PRAG1: variants seen among roughly 807,000 people sequenced by gnomAD.
PRAG1 encodes the protein PEAK1 related, kinase-activating pseudokinase 1, also known as inactive tyrosine-protein kinase PRAG1.
Under a neutral mutation model 95.6 loss-of-function variants are expected in PRAG1, and 110 were observed. That is an observed-to-expected ratio of 1.15 (90% confidence interval 0.99 to 1.35). The LOEUF is 1.35. PRAG1 is among the 40% of genes most tolerant of loss of function. The pLI is 0.00. For missense variants in PRAG1, 2,554 were observed against 1,864.7 expected (o/e 1.37, Z -6.81); for synonymous variants, 1,052 against 819.4 (o/e 1.28, Z -4.85).
At chr8:8,375,297 G>A (rs557853774) in intron 3 of PRAG1, among the ~76,000 whole-genome samples, 4 of 151,710 alleles carry the variant, frequency 2.6e-5, no homozygotes, top group East Asian at 1.9e-4. Flanking sequence ...TCCACCTCCC[G>A]GGTTCACGCC....
rs1341357356 is a variant in PRAG1, at chr8:8,381,664, C to A, written c.84G>T (p.Gly28=). Residue 28 remains glycine, a synonymous_variant, in exon 2 of 6, where the codon GGG becomes GGT. Coordinates refer to ENST00000615670, the MANE Select transcript of PRAG1 (RefSeq NM_001080826.3). ...GCAGGCAGAAGCAGTTCTTGCAGGA[C>A]CCGGGTTTCCAGATGTGCTCCACAA... ...SDFVEHIWKP[G]SCKNCFCLRS... 2 of 1,613,758 alleles carry A rather than the reference C, an allele frequency of 1.2e-6. No individual in the cohort carries two copies. The highest frequency in any genetic ancestry group is 1.1e-5 in the South Asian group (1 of 91,044).
intron 3 of PRAG1, among the ~76,000 whole-genome samples, chr8:8,359,385 C>T (rs1799778015): frequency 6.6e-6 from 1 of 152,156 alleles, no homozygotes; most frequent in Non-Finnish European, 1.5e-5. Context: ...AGGAGTATGC[C>T]TATTACAGTT....
At chr8:8,369,300 C>G (rs777603073) in intron 3 of PRAG1, among the ~76,000 whole-genome samples, 1 of 151,930 alleles carries the variant, frequency 6.6e-6, no homozygotes, top group Admixed American at 6.6e-5. Flanking sequence ...GTATGAGACA[C>G]ATCCCTGCAC....
At position 8,319,452 on chromosome 8, in the gene PRAG1, T is replaced by C. The variant is rs150591317; in HGVS notation, c.3073-150A>G. ...TCCATACACATGCTAGAAGAAAACA[T>C]GGGACAGAATCTTTGAGGCCTTGGG... On this transcript the variant is annotated intron_variant, in intron 5 of 5. Transcript: ENST00000615670. 4.0e-3 allele frequency: 2,041 copies of C among 512,010 alleles called. 29 individuals carry two copies. Among genetic ancestry groups the C allele is most frequent in the African/African-American group, 0.035 (1,818 of 51,366 alleles). The allele number at this position is 512,010 out of a possible 1,614,324, so 31.7% of individuals were successfully genotyped here.
intron 3 of PRAG1, among the ~76,000 whole-genome samples, chr8:8,343,319 T>C (rs1382654095): frequency 6.6e-6 from 1 of 151,948 alleles, no homozygotes; most frequent in Non-Finnish European, 1.5e-5. Context: ...AACAATGTGA[T>C]GAATCTTGTA....
chr8:8,378,089 G>T lies in PRAG1; in HGVS notation c.331-11C>A, dbSNP rs1233988124. 7 of 1,515,740 alleles carry T rather than the reference G, an allele frequency of 4.6e-6. No individual in the cohort carries two copies. The highest frequency in any genetic ancestry group is 1.4e-5 in the African/African-American group (1 of 71,636). 93.9% of individuals were successfully genotyped at this position (1,515,740 alleles called of 1,614,324 possible). A position where few individuals can be genotyped will look rare whatever the true frequency, so the allele number is the denominator to read the frequency against. On this transcript the variant is annotated splice_polypyrimidine_tract_variant and intron_variant, in intron 2 of 5. Coordinates refer to ENST00000615670, the MANE Select transcript of PRAG1 (RefSeq NM_001080826.3). ...TCGTCTCCAGATGACCTACACACAA[G>T]CCCAACGCAAAAAGACTTATATTAG...
intron 3 of PRAG1, among the ~76,000 whole-genome samples, chr8:8,345,046 GGTGTGT>G (rs57329300): frequency 0.019 from 2,592 of 133,988 alleles, 27 homozygotes; most frequent in African/African-American, 0.037. Flanking sequence ...TTATCCGCAG[GGTGTGT>G]GTGTGTGTGT....
chr8:8,358,616 G>A (rs73184340), intron 3 of PRAG1, among the ~76,000 whole-genome samples: 13,754 of 152,242 alleles, frequency 0.09, 730 homozygotes, highest in Middle Eastern at 0.13. Context: ...TTATTCCTTG[G>A]TGCTACAAAG....
Position 8,377,354 on chromosome 8 carries a change from C to A in PRAG1, c.1055G>T (p.Gly352Val). The change falls in exon 3 of 6, where the codon GGC becomes GTC. Residue 352 changes from glycine (G) to valine (V), a missense_variant. Physicochemically the swap from Gly to Val is moderately radical, Grantham distance 109. Coordinates refer to ENST00000615670, the MANE Select transcript of PRAG1 (RefSeq NM_001080826.3). ...GTGGGGGACGAAGGGGCTACTGGCG[C>A]CGCTGCCGCTGCCGCTGCCGCTGCC... ...SCGSGSGSGS[G>V]ASSPFVPHLE... 2.2e-6 allele frequency: 1 copy of A among 464,856 alleles called. No homozygotes were observed. Among genetic ancestry groups the A allele is most frequent in the South Asian group, 2.0e-5 (1 of 49,996 alleles). 28.8% of individuals were successfully genotyped at this position (464,856 alleles called of 1,614,324 possible).
rs775084266 is a variant in PRAG1, at chr8:8,377,861, G to A, written c.548C>T (p.Pro183Leu). The A allele has an allele frequency of 2.0e-5, 33 of 1,614,000 alleles. No individual in the cohort carries two copies. Among genetic ancestry groups the A allele is most frequent in the Admixed American group, 1.7e-4 (10 of 60,004 alleles). ...TTCTTTGTGCACAGCCTTCTCCTCC[G>A]GGAAGCTCACCGGGTGGAAGGCAAT... ...RNIAFHPVSF[P>L]EEKAVHKEKP... Residue 183 changes from proline (P) to leucine (L), a missense_variant, in exon 3 of 6, where the codon CCG becomes CTG. Physicochemically the swap from Pro to Leu is moderately conservative, Grantham distance 98. Transcript: ENST00000615670.
rs1397627057 is a variant in PRAG1 at position 8,327,615 on chromosome 8, C to T, written c.3072+95G>A. The stretch of plus-strand genomic sequence containing the variant: ...TTAGGAATCAACTCCCCTCCTAATG[C>T]CCAGACAGGTGAAATGACTTGCTCA... On this transcript the variant is annotated intron_variant, in intron 5 of 5. Transcript: ENST00000615670. 3.6e-6 allele frequency: 5 copies of T among 1,385,196 alleles called. No homozygotes were observed. In the Admixed American group the frequency reaches 6.8e-5, roughly 19 times the overall value. 85.8% of individuals were successfully genotyped at this position (1,385,196 alleles called of 1,614,324 possible).
intron 4 of PRAG1, among the ~76,000 whole-genome samples, chr8:8,337,655 G>A (rs1487564654): frequency 2.6e-5 from 4 of 152,150 alleles, no homozygotes; most frequent in Admixed American, 6.5e-5. Context: ...GGGAGTCTAA[G>A]TTTTGAAATG....
At position 8,319,001 on chromosome 8, in the gene PRAG1, A is replaced by G; in HGVS notation, c.3374T>C (p.Leu1125Pro). ...PEAYERRVCFLLLQLCNGLEH... is the reference protein window; with the variant it reads ...PEAYERRVCFPLLQLCNGLEH... ...CAGCCCGTTGCAGAGTTGCAGAAGCAGGAAGCACACGCGCCGCTCGTACGC... is the reference window on the plus strand; with the variant it reads ...CAGCCCGTTGCAGAGTTGCAGAAGCGGGAAGCACACGCGCCGCTCGTACGC... Residue 1125 changes from leucine (L) to proline (P), a missense_variant, in exon 6 of 6, where the codon CTG (leucine) becomes CCG (proline). Coordinates refer to ENST00000615670, the MANE Select transcript of PRAG1 (RefSeq NM_001080826.3). 1 of 1,613,446 alleles carries G rather than the reference A, an allele frequency of 6.2e-7. No homozygotes were observed.
Position 8,376,640 on chromosome 8 carries a change from T to C in PRAG1, c.1769A>G (p.Gln590Arg). The change falls in exon 3 of 6, where the codon CAA (glutamine) becomes CGA (arginine). Residue 590 changes from glutamine to arginine, a missense_variant. Coordinates refer to ENST00000615670, the MANE Select transcript of PRAG1 (RefSeq NM_001080826.3). The part of the protein sequence containing the change: ...GSSIGPQPPS[Q>R]GPADPAPSCR... ...GGAAGGAGCGGGGTCAGCAGGACCT[T>C]GGGATGGAGGCTGGGGCCCAATGCT... 6.2e-7 allele frequency: 1 copy of C among 1,607,098 alleles called. No individual in the cohort carries two copies. Among genetic ancestry groups the C allele is most frequent in the African/African-American group, 1.3e-5 (1 of 74,944 alleles).
At position 8,380,061 on chromosome 8, in the gene PRAG1, C is replaced by T. The variant is rs368245137; in HGVS notation, c.330+1357G>A. On this transcript the variant is annotated intron_variant, in intron 2 of 5. Coordinates refer to ENST00000615670, the MANE Select transcript of PRAG1 (RefSeq NM_001080826.3). ...TTTGAGACCAGGAACTTAAGACCAG[C>T]CTGGGCAAGACAGCAAGATCCTATC... Among the ~76,000 whole-genome samples, 231 of 151,440 alleles carry T rather than the reference C, an allele frequency of 1.5e-3. 9 individuals are homozygous for T. In the South Asian group the frequency reaches 0.046, roughly 30 times the overall value.
chr8:8,367,971 T>C lies in PRAG1; in HGVS notation c.2162+8276A>G, dbSNP rs560581112. ...TAGTGTTTTTTAATTTCATTAATTT[T>C]GACTGCCATATGGAGCTCACAAAGA... On this transcript the variant is annotated intron_variant, in intron 3 of 5. Coordinates refer to ENST00000615670, the MANE Select transcript of PRAG1 (RefSeq NM_001080826.3). Among the ~76,000 whole-genome samples the C allele has an allele frequency of 3.3e-5, 5 of 152,336 alleles. No homozygotes were observed. The East Asian group carries it at 9.7e-4, about 29-fold the overall frequency.
chr8:8,376,986 T>C lies in PRAG1; in HGVS notation c.1423A>G (p.Thr475Ala), dbSNP rs369771244. The C allele has an allele frequency of 1.2e-6, 2 of 1,613,568 alleles. No homozygotes were observed. Among genetic ancestry groups the C allele is most frequent in the Non-Finnish European group, 1.7e-6 (2 of 1,179,946 alleles). Residue 475 changes from threonine to alanine, a missense_variant, in exon 3 of 6, where the codon ACA (threonine) becomes GCA (alanine). Coordinates refer to ENST00000615670, the MANE Select transcript of PRAG1 (RefSeq NM_001080826.3). ...TCTTCCGGGTGGGCCGCCATGACTG[T>C]GATGGTGGCTGACACCTGGGGAGTT... The part of the protein sequence containing the change: ...DPTPQVSATI[T>A]VMAAHPEEDH...
At chr8:8,349,750 C>A (rs1799459083) in intron 3 of PRAG1, among the ~76,000 whole-genome samples, 1 of 152,116 alleles carries the variant, frequency 6.6e-6, no homozygotes, top group African/African-American at 2.4e-5. Context: ...TCAGTTTCAT[C>A]TTTGGTCAGA....
At chr8:8,320,475 C>G (rs1172798887) in intron 5 of PRAG1, among the ~76,000 whole-genome samples, 1 of 152,158 alleles carries the variant, frequency 6.6e-6, no homozygotes, top group Non-Finnish European at 1.5e-5. Flanking sequence ...CATCTGGCTG[C>G]CACTCAACTA....
Sources: allele counts gnomAD v4.1 joint callset (sites outside exome capture counted in the v4.1 genomes callset), GRCh38; gene constraint gnomAD v4.1.1; transcripts MANE v1.5; gene names NCBI Gene and HGNC (gene_info 2026-07-23, HGNC 2026-07-21).